Variants in NRXN1 observed in about 807,000 individuals in gnomAD.
NRXN1 encodes neurexin-1.
In NRXN1, 39 loss-of-function variants were observed where a neutral mutation model predicts 150.9. The ratio of observed to expected loss-of-function variants is 0.26; its 90% confidence interval spans 0.20 to 0.34. The LOEUF (loss-of-function observed/expected upper bound fraction) is 0.34. Ranked by LOEUF, NRXN1 falls within the 10% of genes least tolerant of loss-of-function variation. The probability of loss-of-function intolerance (pLI) is 1.00; values close to 1 mark genes in which losing one functional copy is unlikely to be tolerated. For missense variants in NRXN1, 1,815 were observed against 1,949.9 expected, an observed-to-expected ratio of 0.93 and a Z score of 1.30; for synonymous variants, 924 against 757.0, an observed-to-expected ratio of 1.22 and a Z score of -3.62.
chr2:50,436,411 C>T (rs184835103), intron 17 of NRXN1, among the ~76,000 whole-genome samples: 1,682 of 151,398 alleles, frequency 0.011, 34 homozygotes, highest in African/African-American at 0.039. Flanking sequence ...CGAGATAGTG[C>T]TATTGCACTC....
At chr2:50,443,546 A>C (rs994994066) in intron 17 of NRXN1, among the ~76,000 whole-genome samples, 2 of 152,150 alleles carry the variant, frequency 1.3e-5, no homozygotes, top group Non-Finnish European at 2.9e-5. Flanking sequence ...CTTCACTGAG[A>C]ATTAGAATTC....
intron 17 of NRXN1, among the ~76,000 whole-genome samples, chr2:50,246,681 T>C (rs1454371287): frequency 6.6e-6 from 1 of 151,848 alleles, no homozygotes. Context: ...GCAATACACA[T>C]TCTCCTCTCA....
At chr2:50,554,260 C>G (rs759794939) in intron 8 of NRXN1, among the ~76,000 whole-genome samples, 1 of 152,074 alleles carries the variant, frequency 6.6e-6, no homozygotes, top group Non-Finnish European at 1.5e-5. Flanking sequence ...ATAAGACAGC[C>G]TGTATCTGAT....
chr2:50,963,923 C>A (rs1328282503), intron 2 of NRXN1: 2 of 397,848 alleles, frequency 5.0e-6, no homozygotes, highest in Non-Finnish European at 1.0e-5. Flanking sequence ...GGTATCCTTG[C>A]ACTAGGCATC....
intron 18 of NRXN1, among the ~76,000 whole-genome samples, chr2:50,160,358 T>C (rs1043291553): frequency 6.6e-6 from 1 of 151,970 alleles, no homozygotes; most frequent in Non-Finnish European, 1.5e-5. Context: ...CTGACCAACA[T>C]GGTGAAAACC....
chr2:50,638,154 A>G (rs1683504858), intron 5 of NRXN1, among the ~76,000 whole-genome samples: 1 of 152,164 alleles, frequency 6.6e-6, no homozygotes. Context: ...CAGTTGACTC[A>G]AAACAGAGAT....
intron 17 of NRXN1, among the ~76,000 whole-genome samples, chr2:50,287,872 AG>A (rs1358814078): frequency 6.6e-6 from 1 of 152,150 alleles, no homozygotes; most frequent in Non-Finnish European, 1.5e-5. Context: ...TTAATAACCT[AG>A]GAAGTTTGCT....
intron 2 of NRXN1, among the ~76,000 whole-genome samples, chr2:50,950,588 C>T (rs970287052): frequency 5.9e-5 from 9 of 152,164 alleles, no homozygotes; most frequent in African/African-American, 2.2e-4. Context: ...AGGGACTATT[C>T]TGTGCATTTT....
At chr2:50,215,905 T>C (rs1574537916) in intron 18 of NRXN1, among the ~76,000 whole-genome samples, 2 of 152,084 alleles carry the variant, frequency 1.3e-5, no homozygotes, top group African/African-American at 4.8e-5. Context: ...AAGTACATAA[T>C]TGGCATTTTT....
At chr2:50,954,499 A>T (rs938407450) in intron 2 of NRXN1, among the ~76,000 whole-genome samples, 2 of 152,190 alleles carry the variant, frequency 1.3e-5, no homozygotes, top group Non-Finnish European at 1.5e-5. Context: ...ACATGCAGGA[A>T]TTAGGGCATA....
intron 17 of NRXN1, among the ~76,000 whole-genome samples, chr2:50,345,432 GC>G (rs1306148098): frequency 6.6e-6 from 1 of 152,156 alleles, no homozygotes; most frequent in East Asian, 1.9e-4. Flanking sequence ...AAGGAGTGGG[GC>G]AAAGGATTCT....
intron 19 of NRXN1, among the ~76,000 whole-genome samples, chr2:50,067,999 CA>C (rs1299114440): frequency 2.0e-5 from 3 of 151,954 alleles, no homozygotes; most frequent in African/African-American, 7.3e-5. Context: ...CAAATTGGTC[CA>C]CGGAAAAAAA....
At chr2:50,460,294 A>C (rs1162758965) in intron 17 of NRXN1, among the ~76,000 whole-genome samples, 1 of 152,130 alleles carries the variant, frequency 6.6e-6, no homozygotes, top group Non-Finnish European at 1.5e-5. Flanking sequence ...GAAAATCCAT[A>C]GGTGAAGAAA....
intron 12 of NRXN1, among the ~76,000 whole-genome samples, chr2:50,524,713 T>C (rs1172846081): frequency 2.0e-5 from 3 of 152,074 alleles, no homozygotes; most frequent in Admixed American, 6.6e-5. Flanking sequence ...GACTTACCTA[T>C]AGTTGATAGG....
intron 5 of NRXN1, among the ~76,000 whole-genome samples, chr2:50,665,451 C>A (rs1470942542): frequency 1.3e-5 from 2 of 151,598 alleles, no homozygotes; most frequent in African/African-American, 4.8e-5. Flanking sequence ...TCTGAAATTC[C>A]CCTACTAGAT....
intron 8 of NRXN1, among the ~76,000 whole-genome samples, chr2:50,577,241 T>C (rs192465910): frequency 6.6e-4 from 100 of 152,276 alleles, no homozygotes; most frequent in African/African-American, 2.0e-3. Context: ...CATTCATTTT[T>C]TGTCCTGTTA....
At chr2:50,448,781 T>A (rs901439577) in intron 17 of NRXN1, among the ~76,000 whole-genome samples, 1 of 152,160 alleles carries the variant, frequency 6.6e-6, no homozygotes, top group South Asian at 2.1e-4. Flanking sequence ...ATCCAGATCA[T>A]AATTACAGGA....
rs796496185 is a variant in NRXN1 at position 50,576,936 on chromosome 2, G to A, written c.1321-23911C>T. Among the ~76,000 whole-genome samples, 54 of 152,078 alleles carry A rather than the reference G, an allele frequency of 3.6e-4. 1 individual carries two copies. Among genetic ancestry groups the A allele is most frequent in the African/African-American group, 1.3e-3 (52 of 41,524 alleles). ...TTAGTAAATACTGCACCTCTATGAT[G>A]TAATTTATTATATTCTTGCTAATCT... On this transcript the variant is annotated intron_variant, in intron 8 of 22. Coordinates refer to ENST00000401669, the MANE Select transcript of NRXN1 (RefSeq NM_001330078.2).
chr2:50,472,318 T>C lies in NRXN1; in HGVS notation c.3224A>G (p.Gln1075Arg). ...AATACCTTCACATCCTCTCTCGATC[T>C]GTCCGTTGCAGAAAAGAGCATCGGA... is the stretch of plus-strand genomic sequence containing the variant. ...LISDALFCNG[Q>R]IERGCEGPST... Residue 1075 changes from glutamine to arginine, a missense_variant, in exon 16 of 23, where the codon CAG (glutamine) becomes CGG (arginine). Gln to Arg is a conservative substitution (Grantham distance 43, BLOSUM62 1). Coordinates refer to ENST00000401669, the MANE Select transcript of NRXN1 (RefSeq NM_001330078.2). The C allele has an allele frequency of 6.2e-7, 1 of 1,605,616 alleles. No individual in the cohort carries two copies. Among genetic ancestry groups the C allele is most frequent in the South Asian group, 1.1e-5 (1 of 89,768 alleles).
Sources: gnomAD v4.1 joint callset for allele counts (sites outside exome capture counted in the v4.1 genomes callset) on GRCh38, gnomAD v4.1.1 for gene constraint, MANE v1.5 for transcripts, NCBI Gene and HGNC (gene_info 2026-07-23, HGNC 2026-07-21) for gene names.